The following BOLA3 variants were observed in gnomAD, a reference collection of about 807,000 sequenced individuals.
BOLA3 encodes the protein bolA family member 3.
In BOLA3, 8 loss-of-function variants were observed where a neutral mutation model predicts 14.5. That is an observed-to-expected ratio of 0.55 (90% CI 0.32 to 0.99). The LOEUF (loss-of-function observed/expected upper bound fraction) is 0.99, where lower values mean the gene tolerates loss of function less well. BOLA3 is among the 50% of genes least tolerant of loss of function. The pLI is 0.04. For missense variants in BOLA3, 115 were observed against 138.2 expected (o/e 0.83, Z 0.84); for synonymous variants, 42 against 45.7 (o/e 0.92, Z 0.33).
Position 74,145,306 on chromosome 2 carries a change from G to A in BOLA3, c.55-3C>T. On this transcript the variant is annotated splice_polypyrimidine_tract_variant and splice_region_variant and intron_variant, in intron 1 of 3. Transcript: ENST00000327428. The stretch of plus-strand genomic sequence containing the variant: ...AACATCCGATGGTGAAGTGGAAGCT[G>A]CCACAGAACAGAGAGGAAGGTCAGG... 6.5e-7 allele frequency: 1 copy of A among 1,541,202 alleles called. No individual in the cohort carries two copies. The highest frequency in any genetic ancestry group is 9.0e-7 in the Non-Finnish European group (1 of 1,113,442).
chr2:74,147,839 G>C lies in BOLA3; in HGVS notation c.36C>G (p.Leu12=), dbSNP rs2103662430. The C allele has an allele frequency of 1.3e-6, 2 of 1,526,560 alleles. No individual in the cohort carries two copies. 94.6% of individuals were successfully genotyped at this position (1,526,560 alleles called of 1,614,324 possible). A position where few individuals can be genotyped will look rare whatever the true frequency, so the allele number is the denominator to read the frequency against. Residue 12 remains leucine (L), a synonymous_variant, in exon 1 of 4, where the codon CTC becomes CTG. Coordinates refer to ENST00000327428, the MANE Select transcript of BOLA3 (RefSeq NM_212552.3). ...AAWSPAAAAP[L]LRGIRGLPLH... is the part of the protein sequence containing the mutation. ...CGCTCACCCCGCGGATCCCGCGGAGGAGAGGCGCTGCCGCGGCCGGGCTCC... is the reference window on the plus strand; with the variant it reads ...CGCTCACCCCGCGGATCCCGCGGAGCAGAGGCGCTGCCGCGGCCGGGCTCC...
At position 74,147,821 on chromosome 2, in the gene BOLA3, C is replaced by T. The variant is rs561205328; in HGVS notation, c.54G>A (p.Gly18=). 6 of 1,528,734 alleles carry T rather than the reference C, an allele frequency of 3.9e-6. No homozygotes were observed. In the African/African-American group the frequency reaches 4.1e-5, roughly 11 times the overall value. The allele number at this position is 1,528,734 out of a possible 1,614,324, so 94.7% of individuals were successfully genotyped here. A position where few individuals can be genotyped will look rare whatever the true frequency, so the allele number is the denominator to read the frequency against. Residue 18 remains glycine (G), a splice_region_variant and synonymous_variant, in exon 1 of 4, where the codon GGG becomes GGA. Coordinates refer to ENST00000327428, the MANE Select transcript of BOLA3 (RefSeq NM_212552.3). ...AAAPLLRGIR[G]LPLHHRMFAT... is the part of the protein sequence containing the mutation. ...CAGCCCCGACCCTGCCCACGCTCAC[C>T]CCGCGGATCCCGCGGAGGAGAGGCG...
At chr2:74,144,658 G>A (rs1394459218) in intron 2 of BOLA3, among the ~76,000 whole-genome samples, 1 of 152,210 alleles carries the variant, frequency 6.6e-6, no homozygotes, top group East Asian at 1.9e-4. Context: ...GCGCTTGGCT[G>A]GGGCTGGTAA....
chr2:74,141,027 G>A (rs1452057872), intron 3 of BOLA3, among the ~76,000 whole-genome samples: 1 of 152,242 alleles, frequency 6.6e-6, no homozygotes, highest in African/African-American at 2.4e-5. Context: ...AGTCACACCA[G>A]GTGGCTTGTA....
chr2:74,145,383 G>T, intron 1 of BOLA3, 80 bp from the exon 2 acceptor site: 2 of 877,848 alleles, frequency 2.3e-6, no homozygotes, highest in Non-Finnish European at 3.9e-6. Flanking sequence ...AGGCCCGCCT[G>T]CCATTCCCCC....
chr2:74,145,287 C>A lies in BOLA3; in HGVS notation c.71G>T (p.Arg24Leu). 6.2e-7 allele frequency: 1 copy of A among 1,604,526 alleles called. No individual in the cohort carries two copies. Among genetic ancestry groups the A allele is most frequent in the East Asian group, 2.2e-5 (1 of 44,836 alleles). The change falls in exon 2 of 4, where the codon CGG becomes CTG. Residue 24 changes from arginine (R) to leucine (L), a missense_variant. Physicochemically the swap from Arg to Leu is moderately radical, Grantham distance 102. Transcript: ENST00000327428. ...RGIRGLPLHHRMFATQTEGEL... is the reference protein window; with the variant it reads ...RGIRGLPLHHLMFATQTEGEL... ...CCCCTCAGTCTGAGTGGCAAACATC[C>A]GATGGTGAAGTGGAAGCTGCCACAG...
chr2:74,141,208 G>A (rs887541085), intron 3 of BOLA3, among the ~76,000 whole-genome samples: 2 of 152,182 alleles, frequency 1.3e-5, no homozygotes, highest in African/African-American at 4.8e-5. Flanking sequence ...GCATGCCTTA[G>A]GGCTGTAGGG....
At chr2:74,145,579 G>A in intron 1 of BOLA3, 1 of 487,664 alleles carries the variant, frequency 2.1e-6, no homozygotes, top group Non-Finnish European at 3.8e-6. Context: ...TTCAAGAGAT[G>A]TTTGCTTCCA....
intron 1 of BOLA3, 81 bp from the exon 2 acceptor site, chr2:74,145,384 C>T (rs893761060): frequency 4.6e-6 from 4 of 869,976 alleles, no homozygotes; most frequent in Non-Finnish European, 7.9e-6. Context: ...GGCCCGCCTG[C>T]CATTCCCCCT....
At chr2:74,142,219 G>T in intron 3 of BOLA3, 53 bp downstream of exon 3, 1 of 1,343,994 alleles carries the variant, frequency 7.4e-7, no homozygotes. Flanking sequence ...TGCTTGGCAG[G>T]CCCCTTTGGA....
chr2:74,145,126 C>T, intron 2 of BOLA3, 63 bp downstream of exon 2: 1 of 915,140 alleles, frequency 1.1e-6, no homozygotes, highest in South Asian at 1.3e-5. Flanking sequence ...GCCCCTGACC[C>T]TCTGTCCTTC....
At chr2:74,141,369 A>G (rs1486648768) in intron 3 of BOLA3, among the ~76,000 whole-genome samples, 1 of 150,068 alleles carries the variant, frequency 6.7e-6, no homozygotes, top group African/African-American at 2.4e-5. Context: ...ACAGCCAAAA[A>G]AGGGGGCCGG....
At chr2:74,143,361 G>A (rs538881454) in intron 2 of BOLA3, among the ~76,000 whole-genome samples, 174 of 152,072 alleles carry the variant, frequency 1.1e-3, no homozygotes, top group Middle Eastern at 3.4e-3. Flanking sequence ...GGGTTTCACC[G>A]TGTTAGCCAG....
intron 1 of BOLA3, 78 bp downstream of exon 1, chr2:74,147,743 C>G: frequency 1.4e-6 from 2 of 1,461,746 alleles, no homozygotes; most frequent in East Asian, 5.0e-5. Flanking sequence ...AGTCCTCAAG[C>G]CCCGACAGCC....
chr2:74,138,563 A>G (rs1692377895), intron 3 of BOLA3, among the ~76,000 whole-genome samples: 1 of 152,200 alleles, frequency 6.6e-6, no homozygotes, highest in Admixed American at 6.5e-5. Flanking sequence ...GAGGCTGGGA[A>G]GCTCCCGTGA....
At chr2:74,144,027 A>C in intron 2 of BOLA3, among the ~76,000 whole-genome samples, 1 of 112,686 alleles carries the variant, frequency 8.9e-6, no homozygotes, top group African/African-American at 3.6e-5. Flanking sequence ...TTTTTTTGAG[A>C]CACAGTCTCG....
chr2:74,136,903 C>T (rs1692342131), intron 3 of BOLA3, among the ~76,000 whole-genome samples: 2 of 152,178 alleles, frequency 1.3e-5, no homozygotes, highest in Non-Finnish European at 1.5e-5. Context: ...TCTGAAGGAA[C>T]TACCAGAGTC....
chr2:74,140,010 A>G (rs1692409682), intron 3 of BOLA3, among the ~76,000 whole-genome samples: 1 of 152,294 alleles, frequency 6.6e-6, no homozygotes, highest in African/African-American at 2.4e-5. Context: ...AAGGTTGGGC[A>G]TGGTGGCTCA....
intron 1 of BOLA3, chr2:74,147,475 T>C (rs776141478): frequency 2.0e-4 from 64 of 326,746 alleles, no homozygotes; most frequent in Non-Finnish European, 2.9e-4. Context: ...CACCCACGCC[T>C]TGACTCTGGG....
Sources: allele counts gnomAD v4.1 joint callset (sites outside exome capture counted in the v4.1 genomes callset), GRCh38; gene constraint gnomAD v4.1.1; transcripts MANE v1.5; gene names NCBI Gene and HGNC (gene_info 2026-07-23, HGNC 2026-07-21).